SHISAL1: variants seen among roughly 807,000 people sequenced by gnomAD.
SHISAL1 encodes protein shisa-like-1.
Under a neutral mutation model 22.6 loss-of-function variants are expected in SHISAL1, and 9 were observed. The ratio of observed to expected loss-of-function variants is 0.40; its 90% confidence interval spans 0.24 to 0.70. The LOEUF is 0.70. SHISAL1 is among the 30% of genes least tolerant of loss of function. The pLI is 0.39. For missense variants in SHISAL1, 246 were observed against 270.6 expected (o/e 0.91, Z 0.64); for synonymous variants, 119 against 115.4 (o/e 1.03, Z -0.20).
chr22:44,306,843 G>T (rs2055481968), intron 1 of SHISAL1, among the ~76,000 whole-genome samples: 2 of 149,372 alleles, frequency 1.3e-5, no homozygotes, highest in South Asian at 4.3e-4. Flanking sequence ...GGCTCGGGGA[G>T]CTGTGATGAC....
At chr22:44,285,026 T>C (rs1481151188) in intron 4 of SHISAL1, among the ~76,000 whole-genome samples, 3 of 152,204 alleles carry the variant, frequency 2.0e-5, no homozygotes, top group Non-Finnish European at 4.4e-5. Context: ...TTGTATTTTC[T>C]AACCTCATGC....
chr22:44,301,025 A>G, intron 1 of SHISAL1, 48 bp from the exon 2 acceptor site: 1 of 1,357,426 alleles, frequency 7.4e-7, no homozygotes, highest in Non-Finnish European at 1.0e-6. Context: ...GTCTCGCCTG[A>G]CACTGGCTTT....
the SHISAL1 span, among the ~76,000 whole-genome samples, chr22:44,326,396 C>T: frequency 2.0e-5 from 3 of 152,150 alleles, no homozygotes; most frequent in South Asian, 2.1e-4. Flanking sequence ...GCGGCAGAGC[C>T]GGCCATCCCC....
At chr22:44,324,502 T>C in the SHISAL1 span, among the ~76,000 whole-genome samples, 1 of 152,216 alleles carries the variant, frequency 6.6e-6, no homozygotes, top group Admixed American at 6.5e-5. Flanking sequence ...TAACACAAAG[T>C]TGTTAACAGT....
intron 3 of SHISAL1, among the ~76,000 whole-genome samples, chr22:44,286,172 C>G (rs941605012): frequency 6.6e-6 from 1 of 152,172 alleles, no homozygotes. Context: ...TCCTGGCACC[C>G]GGGATGCTCT....
intron 4 of SHISAL1, among the ~76,000 whole-genome samples, chr22:44,261,080 T>C (rs1446090767): frequency 1.5e-5 from 2 of 133,298 alleles, no homozygotes; most frequent in African/African-American, 5.9e-5. Context: ...CATTACTTTA[T>C]ATATATATAT....
intron 4 of SHISAL1, among the ~76,000 whole-genome samples, chr22:44,267,297 C>T (rs1161483165): frequency 6.6e-6 from 1 of 152,154 alleles, no homozygotes; most frequent in Non-Finnish European, 1.5e-5. Flanking sequence ...ACTCAAAACA[C>T]TCCATGCTGC....
chr22:44,263,542 C>A (rs1230167734), intron 4 of SHISAL1, among the ~76,000 whole-genome samples: 2 of 152,208 alleles, frequency 1.3e-5, no homozygotes, highest in Non-Finnish European at 2.9e-5. Flanking sequence ...AGAGACTCTG[C>A]TGACGCGATG....
chr22:44,287,556 C>T (rs1305556755), intron 3 of SHISAL1, among the ~76,000 whole-genome samples: 3 of 152,116 alleles, frequency 2.0e-5, no homozygotes, highest in Non-Finnish European at 4.4e-5. Context: ...GCCCCCACCT[C>T]CCAGCCCCCA....
intron 1 of SHISAL1, among the ~76,000 whole-genome samples, chr22:44,305,183 CTTCTT>C (rs2147306720): frequency 6.6e-6 from 1 of 152,346 alleles, no homozygotes; most frequent in African/African-American, 2.4e-5. Flanking sequence ...TATTCCATCT[CTTCTT>C]TCATTCATGT....
the SHISAL1 span, among the ~76,000 whole-genome samples, chr22:44,323,028 ACCATCCAT>A: frequency 2.5e-4 from 32 of 126,732 alleles, no homozygotes; most frequent in African/African-American, 6.5e-4. Flanking sequence ...GCATCCATCC[ACCATCCAT>A]CCATCCATCC....
At chr22:44,285,346 A>G in intron 4 of SHISAL1, 82 bp downstream of exon 4, 1 of 1,429,096 alleles carries the variant, frequency 7.0e-7, no homozygotes, top group African/African-American at 1.4e-5. Context: ...GCCAAACACT[A>G]TGGCGAGAGT....
the SHISAL1 span, among the ~76,000 whole-genome samples, chr22:44,326,668 G>C: frequency 6.6e-6 from 1 of 152,308 alleles, no homozygotes; most frequent in South Asian, 2.1e-4. Context: ...GTGCGTGCAG[G>C]CAGATGGGTG....
At position 44,304,007 on chromosome 22, in the gene SHISAL1, G is replaced by A. The variant is rs189889580; in HGVS notation, c.-32-3030C>T. On this transcript the variant is annotated intron_variant, in intron 1 of 4. Transcript: ENST00000381176. The stretch of plus-strand genomic sequence containing the variant: ...GCAGGGATCTGCTGCCAGACCACAC[G>A]TTTCTGAAAGAAGAGATGGTGGAAG... 1.7e-3 allele frequency among the ~76,000 whole-genome samples: 253 copies of A among 152,332 alleles called. 5 individuals carry two copies. The highest frequency in any genetic ancestry group is 0.01 in the Middle Eastern group (3 of 294).
chr22:44,319,158 G>T, the SHISAL1 span, among the ~76,000 whole-genome samples: 1 of 152,258 alleles, frequency 6.6e-6, no homozygotes. Context: ...GCACGCGGTG[G>T]AGACAGGAGG....
Position 44,307,344 on chromosome 22 carries a change from C to T in SHISAL1, c.-33+5407G>A, listed in dbSNP as rs2055486584. Among the ~76,000 whole-genome samples, 3 of 152,170 alleles carry T rather than the reference C, an allele frequency of 2.0e-5. No individual in the cohort carries two copies. In the South Asian group the frequency reaches 6.2e-4, roughly 32 times the overall value. On this transcript the variant is annotated intron_variant, in intron 1 of 4. Coordinates refer to ENST00000381176, the MANE Select transcript of SHISAL1 (RefSeq NM_001099294.2). ...AGGAGGTGGATCACCAAGCTCCCAT[C>T]TCAGAAGGGGGAAGCTGAGACTCAG...
intron 1 of SHISAL1, among the ~76,000 whole-genome samples, chr22:44,306,436 G>A (rs929583801): frequency 9.9e-5 from 14 of 141,782 alleles, no homozygotes; most frequent in African/African-American, 3.6e-4. Context: ...CCTGGGCTCA[G>A]GGGGCTGTGA....
the SHISAL1 span, among the ~76,000 whole-genome samples, chr22:44,319,841 G>A: frequency 2.6e-5 from 4 of 152,312 alleles, no homozygotes; most frequent in African/African-American, 9.6e-5. Flanking sequence ...GATGCACTGT[G>A]CCGGGGAAAG....
At chr22:44,318,867 C>T in the SHISAL1 span, among the ~76,000 whole-genome samples, 1,525 of 152,362 alleles carry the variant, frequency 0.01, 26 homozygotes, top group African/African-American at 0.036. Context: ...GAGGGTCACA[C>T]AGCTCATATG....
Sources: allele counts gnomAD v4.1 joint callset (sites outside exome capture counted in the v4.1 genomes callset), GRCh38; gene constraint gnomAD v4.1.1; transcripts MANE v1.5; gene names NCBI Gene and HGNC (gene_info 2026-07-23, HGNC 2026-07-21).